Variants in ZFPM2 observed in about 807,000 individuals in gnomAD.
The protein encoded by ZFPM2 is zinc finger protein, FOG family member 2, also known as zinc finger protein ZFPM2.
Under a neutral mutation model 98.6 loss-of-function variants are expected in ZFPM2, and 20 were observed. The observed-to-expected ratio is 0.20, with a 90% CI of 0.14 to 0.29. ZFPM2 has a LOEUF of 0.29. Among genes scored for constraint, ZFPM2 ranks in the 10% least tolerant of loss-of-function variants. The pLI, the probability that ZFPM2 is intolerant of heterozygous loss-of-function variation, is 1.00. For missense variants in ZFPM2, 1,310 were observed against 1,388.6 expected (o/e 0.94, Z 0.90); for synonymous variants, 518 against 502.7 (o/e 1.03, Z -0.41).
At chr8:105,548,156 C>T (rs1227283230) in intron 3 of ZFPM2, among the ~76,000 whole-genome samples, 3 of 151,930 alleles carry the variant, frequency 2.0e-5, no homozygotes, top group African/African-American at 7.3e-5. Flanking sequence ...TGAAAAGAAA[C>T]TCTTTGATTG....
chr8:105,785,549 G>C (rs1813391317), intron 5 of ZFPM2, among the ~76,000 whole-genome samples: 1 of 152,152 alleles, frequency 6.6e-6, no homozygotes, highest in Non-Finnish European at 1.5e-5. Context: ...CTACCTCACA[G>C]AGTAATTGAC....
At chr8:105,475,501 A>G (rs1287048263) in intron 3 of ZFPM2, among the ~76,000 whole-genome samples, 1 of 152,212 alleles carries the variant, frequency 6.6e-6, no homozygotes, top group African/African-American at 2.4e-5. Flanking sequence ...AGTGCTTGTG[A>G]TTTGCTGAGG....
intron 5 of ZFPM2, among the ~76,000 whole-genome samples, chr8:105,657,281 G>A (rs1229845784): frequency 1.3e-5 from 2 of 152,058 alleles, no homozygotes; most frequent in Non-Finnish European, 2.9e-5. Flanking sequence ...TGGGACTAGA[G>A]GCGCCTGCCA....
At chr8:105,795,767 A>G in intron 6 of ZFPM2, 1 of 481,422 alleles carries the variant, frequency 2.1e-6, no homozygotes, top group Admixed American at 2.2e-5. Flanking sequence ...ATGACACTTC[A>G]TATGACACAA....
At chr8:105,538,149 T>C (rs1814497192) in intron 3 of ZFPM2, among the ~76,000 whole-genome samples, 1 of 152,062 alleles carries the variant, frequency 6.6e-6, no homozygotes, top group Admixed American at 6.6e-5. Context: ...AGAGTGTCGT[T>C]TGGTACAGTC....
chr8:105,692,641 G>T (rs1288855809), intron 5 of ZFPM2, among the ~76,000 whole-genome samples: 2 of 152,212 alleles, frequency 1.3e-5, no homozygotes, highest in Admixed American at 1.3e-4. Flanking sequence ...GTTGGAATTG[G>T]CATTTGCCTT....
intron 5 of ZFPM2, among the ~76,000 whole-genome samples, chr8:105,731,737 G>A (rs1166634559): frequency 6.6e-6 from 1 of 151,678 alleles, no homozygotes; most frequent in South Asian, 2.1e-4. Context: ...TCAATTTTCA[G>A]AATGTATTGT....
intron 4 of ZFPM2, among the ~76,000 whole-genome samples, chr8:105,621,144 G>C (rs1052483028): frequency 1.3e-5 from 2 of 152,110 alleles, no homozygotes; most frequent in Non-Finnish European, 2.9e-5. Flanking sequence ...TCACCATATT[G>C]ATTCTTCCAA....
At chr8:105,608,580 G>GTTTTT (rs397978197) in intron 4 of ZFPM2, among the ~76,000 whole-genome samples, 15 of 108,740 alleles carry the variant, frequency 1.4e-4, no homozygotes, top group South Asian at 3.5e-4. Context: ...AACACCAAGA[G>GTTTTT]TTTTTTTTTT....
chr8:105,448,467 T>A (rs1476686547), intron 3 of ZFPM2, among the ~76,000 whole-genome samples: 2 of 152,020 alleles, frequency 1.3e-5, no homozygotes, highest in Non-Finnish European at 2.9e-5. Flanking sequence ...TAATAATTGT[T>A]AAAAGCACTT....
intron 1 of ZFPM2, among the ~76,000 whole-genome samples, chr8:105,357,617 G>C (rs920163368): frequency 2.0e-5 from 3 of 151,670 alleles, no homozygotes; most frequent in African/African-American, 7.3e-5. Context: ...AAAGTCAGTT[G>C]GTTTATGTTT....
intron 3 of ZFPM2, among the ~76,000 whole-genome samples, chr8:105,479,225 T>C (rs1813068972): frequency 6.6e-6 from 1 of 152,326 alleles, no homozygotes; most frequent in Middle Eastern, 3.4e-3. Flanking sequence ...TGGAAGCTCA[T>C]GTCATTTCGA....
chr8:105,640,001 C>A (rs145622349), intron 5 of ZFPM2, among the ~76,000 whole-genome samples: 1,933 of 151,978 alleles, frequency 0.013, 34 homozygotes, highest in African/African-American at 0.044. Context: ...CTAATAATAG[C>A]AATTACTATT....
intron 5 of ZFPM2, among the ~76,000 whole-genome samples, chr8:105,646,086 T>G (rs1282678842): frequency 6.7e-6 from 1 of 148,914 alleles, no homozygotes; most frequent in Admixed American, 6.7e-5. Flanking sequence ...AGGAGAAACA[T>G]GCATATGCAT....
At chr8:105,597,448 C>G (rs758434353) in intron 4 of ZFPM2, among the ~76,000 whole-genome samples, 1 of 151,614 alleles carries the variant, frequency 6.6e-6, no homozygotes, top group Non-Finnish European at 1.5e-5. Context: ...AGACCTAAAC[C>G]TCTCCCCTGT....
intron 2 of ZFPM2, among the ~76,000 whole-genome samples, chr8:105,429,570 G>T (rs746291313): frequency 6.6e-6 from 1 of 151,658 alleles, no homozygotes. Flanking sequence ...TCACCAGCAC[G>T]CATCTGCCTC....
intron 1 of ZFPM2, among the ~76,000 whole-genome samples, chr8:105,384,152 C>A (rs1184174594): frequency 1.3e-5 from 2 of 152,090 alleles, no homozygotes; most frequent in Admixed American, 1.3e-4. Flanking sequence ...CCCATTCTGC[C>A]AGCCCTCCAC....
intron 5 of ZFPM2, among the ~76,000 whole-genome samples, chr8:105,706,167 T>C (rs1253879489): frequency 6.6e-6 from 1 of 152,110 alleles, no homozygotes; most frequent in African/African-American, 2.4e-5. Context: ...AAAACCAAGT[T>C]GCTTAAGTCC....
intron 5 of ZFPM2, among the ~76,000 whole-genome samples, chr8:105,661,455 A>G (rs1400363653): frequency 2.0e-5 from 3 of 152,318 alleles, no homozygotes; most frequent in Non-Finnish European, 2.9e-5. Context: ...ATGTTTTTCT[A>G]ATATGTATTC....
Sources: allele counts gnomAD v4.1 joint callset (sites outside exome capture counted in the v4.1 genomes callset), GRCh38; gene constraint gnomAD v4.1.1; transcripts MANE v1.5; gene names NCBI Gene and HGNC (gene_info 2026-07-23, HGNC 2026-07-21).